The following CYP7B1 variants were observed in gnomAD, a reference collection of about 807,000 sequenced individuals.
CYP7B1 encodes the protein cytochrome P450 family 7 subfamily B member 1, also known as cytochrome P450 7B1.
A neutral mutation model predicts 42.7 loss-of-function variants in CYP7B1; 29 were observed. The observed-to-expected ratio is 0.68, with a 90% CI of 0.51 to 0.93. CYP7B1 has a LOEUF of 0.93. Ranked by LOEUF, CYP7B1 falls within the 40% of genes least tolerant of loss-of-function variation. The pLI, the probability that CYP7B1 is intolerant of heterozygous loss-of-function variation, is 0.00. For synonymous variants in CYP7B1, 235 were observed against 218.2 expected (o/e 1.08, Z -0.68); for missense variants, 655 against 600.5 (o/e 1.09, Z -0.95).
At chr8:64,704,671 C>G (rs1473475418) in intron 1 of CYP7B1, among the ~76,000 whole-genome samples, 4 of 152,014 alleles carry the variant, frequency 2.6e-5, no homozygotes, top group Admixed American at 2.6e-4. Context: ...AGACATACCT[C>G]TTGACTTTTG....
intron 1 of CYP7B1, among the ~76,000 whole-genome samples, chr8:64,778,712 T>C (rs1188581924): frequency 1.3e-5 from 2 of 152,100 alleles, no homozygotes; most frequent in African/African-American, 4.8e-5. Flanking sequence ...AAATCTTGAA[T>C]CAAATTTTAC....
chr8:64,632,424 G>A (rs368267707), intron 1 of CYP7B1, among the ~76,000 whole-genome samples: 22 of 152,018 alleles, frequency 1.4e-4, no homozygotes, highest in East Asian at 1.4e-3. Context: ...GGAGAGGGAG[G>A]AAATGGGGAG....
chr8:64,642,140 C>G (rs181612080), intron 1 of CYP7B1, among the ~76,000 whole-genome samples: 2 of 152,140 alleles, frequency 1.3e-5, no homozygotes, highest in Admixed American at 1.3e-4. Context: ...TTTGATCTAG[C>G]ATGTACATTA....
intron 5 of CYP7B1, among the ~76,000 whole-genome samples, chr8:64,598,764 A>G (rs903151997): frequency 2.6e-5 from 4 of 152,174 alleles, no homozygotes; most frequent in African/African-American, 9.7e-5. Flanking sequence ...CTCAACGAGC[A>G]ACACCATCCC....
chr8:64,723,871 TAA>T (rs1807281132), intron 1 of CYP7B1, among the ~76,000 whole-genome samples: 1 of 152,094 alleles, frequency 6.6e-6, no homozygotes, highest in Non-Finnish European at 1.5e-5. Flanking sequence ...TATAGAACGT[TAA>T]AAGAGTCTGT....
chr8:64,588,431 T>G (rs1804996429), downstream of CYP7B1, among the ~76,000 whole-genome samples: 1 of 152,246 alleles, frequency 6.6e-6, no homozygotes, highest in South Asian at 2.1e-4. Context: ...TGTTTCTCAA[T>G]CTTAAAGATT....
chr8:64,732,102 G>C (rs1004849844), intron 1 of CYP7B1, among the ~76,000 whole-genome samples: 2 of 152,212 alleles, frequency 1.3e-5, no homozygotes, highest in African/African-American at 4.8e-5. Flanking sequence ...GCACTGCCTA[G>C]TGGAGCTGTG....
At chr8:64,743,707 A>G (rs1432057023) in intron 1 of CYP7B1, among the ~76,000 whole-genome samples, 1 of 152,058 alleles carries the variant, frequency 6.6e-6, no homozygotes, top group African/African-American at 2.4e-5. Flanking sequence ...ATTTAACTTC[A>G]ATTACTTCTT....
chr8:64,687,312 AAGTT>A (rs1268950233), intron 1 of CYP7B1, among the ~76,000 whole-genome samples: 2 of 152,186 alleles, frequency 1.3e-5, no homozygotes, highest in African/African-American at 4.8e-5. Context: ...CTAAAGGAAG[AAGTT>A]AGTTACAAAA....
At chr8:64,779,100 C>T (rs1006884089) in intron 1 of CYP7B1, among the ~76,000 whole-genome samples, 13 of 151,988 alleles carry the variant, frequency 8.6e-5, no homozygotes, top group Non-Finnish European at 1.5e-4. Context: ...TTAAAATGTA[C>T]TAGCTCTTAA....
intron 1 of CYP7B1, among the ~76,000 whole-genome samples, chr8:64,639,857 T>C (rs1291720828): frequency 6.6e-6 from 1 of 152,106 alleles, no homozygotes; most frequent in Non-Finnish European, 1.5e-5. Context: ...TTAGAAATAA[T>C]TCATATGTCT....
At chr8:64,748,440 T>A (rs751357397) in intron 1 of CYP7B1, among the ~76,000 whole-genome samples, 15 of 152,202 alleles carry the variant, frequency 9.9e-5, no homozygotes, top group Non-Finnish European at 1.8e-4. Context: ...GTCCTTTTGG[T>A]ACTTGACTTT....
intron 1 of CYP7B1, among the ~76,000 whole-genome samples, chr8:64,643,694 C>T (rs917397902): frequency 1.3e-5 from 2 of 152,212 alleles, no homozygotes; most frequent in Non-Finnish European, 2.9e-5. Flanking sequence ...GGAGTCAATT[C>T]GCTCAAACCC....
intron 1 of CYP7B1, among the ~76,000 whole-genome samples, chr8:64,697,391 G>GC (rs11398865): frequency 0.26 from 38,895 of 152,006 alleles, 6,201 homozygotes; most frequent in African/African-American, 0.46. Context: ...AAATGTGTAA[G>GC]CCCCCCTCCC....
intron 1 of CYP7B1, among the ~76,000 whole-genome samples, chr8:64,758,868 T>C (rs1209253022): frequency 6.6e-6 from 1 of 152,234 alleles, no homozygotes; most frequent in Admixed American, 6.5e-5. Context: ...CTACTGAGGC[T>C]ACAAGATCGG....
intron 1 of CYP7B1, among the ~76,000 whole-genome samples, chr8:64,787,439 C>T (rs1410684062): frequency 6.6e-6 from 1 of 152,326 alleles, no homozygotes; most frequent in Admixed American, 6.5e-5. Context: ...GACCTTTACT[C>T]CAGTTCCCAA....
At chr8:64,665,853 G>C (rs1044105191) in intron 1 of CYP7B1, among the ~76,000 whole-genome samples, 1 of 152,094 alleles carries the variant, frequency 6.6e-6, no homozygotes, top group Non-Finnish European at 1.5e-5. Flanking sequence ...CAGGATTACA[G>C]GCGTGAGCCA....
chr8:64,766,700 T>C (rs1444223893), intron 1 of CYP7B1, among the ~76,000 whole-genome samples: 1 of 152,098 alleles, frequency 6.6e-6, no homozygotes, highest in African/African-American at 2.4e-5. Context: ...CCTTGCCCCT[T>C]ATGTCAAGGG....
chr8:64,607,865 A>T (rs545283997), intron 4 of CYP7B1, among the ~76,000 whole-genome samples: 1 of 152,262 alleles, frequency 6.6e-6, no homozygotes, highest in Non-Finnish European at 1.5e-5. Flanking sequence ...ATTAGAATGC[A>T]TTGTCGAAAA....
Sources: gnomAD v4.1 joint callset for allele counts (sites outside exome capture counted in the v4.1 genomes callset) on GRCh38, gnomAD v4.1.1 for gene constraint, MANE v1.5 for transcripts, NCBI Gene and HGNC (gene_info 2026-07-23, HGNC 2026-07-21) for gene names.